ERBIN: variants seen among roughly 807,000 people sequenced by gnomAD.
The protein encoded by ERBIN is densin-180-like protein.
Under a neutral mutation model 158.4 loss-of-function variants are expected in ERBIN, and 60 were observed. That is an observed-to-expected ratio of 0.38 (90% CI 0.31 to 0.47). The LOEUF (loss-of-function observed/expected upper bound fraction) is 0.47, where lower values mean the gene tolerates loss of function less well. Ranked by LOEUF, ERBIN falls within the 20% of genes least tolerant of loss-of-function variation. ERBIN has a pLI of 0.99. For missense variants in ERBIN, 1,610 were observed against 1,648.0 expected, an observed-to-expected ratio of 0.98 and a Z score of 0.40; for synonymous variants, 594 against 557.2, an observed-to-expected ratio of 1.07 and a Z score of -0.93.
chr5:66,036,662 T>G (rs1757428173), intron 14 of ERBIN, among the ~76,000 whole-genome samples: 1 of 152,154 alleles, frequency 6.6e-6, no homozygotes, highest in African/African-American at 2.4e-5. Flanking sequence ...TACAGTAAAG[T>G]CAGTAAAGAT....
In ERBIN at chr5:66,053,693, G is replaced by C. The variant is rs1247407724; in HGVS notation, c.2375G>C (p.Gly792Ala). The C allele has an allele frequency of 1.3e-5, 21 of 1,613,710 alleles. No homozygotes were observed. Among genetic ancestry groups the C allele is most frequent in the Non-Finnish European group, 1.7e-5 (20 of 1,179,972 alleles). The change falls in exon 21 of 26, where the codon GGA becomes GCA. Residue 792 changes from glycine to alanine, a missense_variant. By Grantham distance (60) the Gly-to-Ala change is moderately conservative (BLOSUM62 0). Around this residue, in one of 2 missense-constraint regions of ERBIN, gnomAD observed 1,014 missense variants for 936.1 expected, o/e 1.08. Coordinates refer to ENST00000284037, the MANE Select transcript of ERBIN (RefSeq NM_001253697.2). ...TCAAAAACACAGGATATTGTGCTTG[G>C]AACAAGCTTTTTAAGCATTAATTCT... The part of the protein sequence containing the change: ...ERSKTQDIVL[G>A]TSFLSINSKE...
rs555935226 is a variant in ERBIN at position 65,950,852 on chromosome 5, A to G, written c.-58+24046A>G. 9.9e-4 allele frequency among the ~76,000 whole-genome samples: 150 copies of G among 152,214 alleles called. 4 individuals carry two copies. In the South Asian group the frequency reaches 0.03, roughly 30 times the overall value. On this transcript the variant is annotated intron_variant, in intron 1 of 25. Coordinates refer to ENST00000284037, the MANE Select transcript of ERBIN (RefSeq NM_001253697.2). ...GGGGTATGTCATTGGCATATGAAAG[A>G]GAATATGGCATAGTAAGAGGGCTTG...
chr5:65,958,368 C>A (rs989723680), intron 1 of ERBIN, among the ~76,000 whole-genome samples: 2 of 151,896 alleles, frequency 1.3e-5, no homozygotes, highest in Non-Finnish European at 1.5e-5. Flanking sequence ...TCTGCAATCC[C>A]GGCACCTCGG....
At chr5:66,063,401 A>G (rs1760652409) in intron 21 of ERBIN, among the ~76,000 whole-genome samples, 1 of 152,196 alleles carries the variant, frequency 6.6e-6, no homozygotes. Flanking sequence ...GCGCAGTATT[A>G]GGGCAGGAGT....
intron 1 of ERBIN, among the ~76,000 whole-genome samples, chr5:65,986,138 T>G (rs1751205307): frequency 6.6e-6 from 1 of 152,208 alleles, no homozygotes; most frequent in African/African-American, 2.4e-5. Context: ...TTAAATACCA[T>G]CTATAAGCAG....
chr5:65,927,120 C>A (rs1742751502), intron 1 of ERBIN, among the ~76,000 whole-genome samples: 1 of 151,830 alleles, frequency 6.6e-6, no homozygotes, highest in African/African-American at 2.4e-5. Flanking sequence ...GAAGTTTTGG[C>A]TTTCTGGAAC....
Position 65,992,725 on chromosome 5 carries a change from A to G in ERBIN, c.7A>G (p.Thr3Ala), listed in dbSNP as rs1424856278. 1.3e-6 allele frequency: 2 copies of G among 1,589,392 alleles called. No individual in the cohort carries two copies. The highest frequency in any genetic ancestry group is 1.7e-6 in the Non-Finnish European group (2 of 1,172,422). The change falls in exon 3 of 26, where the codon ACA becomes GCA. Residue 3 changes from threonine to alanine, a missense_variant. Coordinates refer to ENST00000284037, the MANE Select transcript of ERBIN (RefSeq NM_001253697.2). MT[T>A]KRSLFVRLVP... ...AATATTGCAGTGTCTAAAAATGACT[A>G]CAAAACGAAGTTTGTTTGTGCGGTT...
chr5:66,055,564 T>G (rs1303842563), intron 21 of ERBIN, among the ~76,000 whole-genome samples: 1 of 152,178 alleles, frequency 6.6e-6, no homozygotes, highest in Non-Finnish European at 1.5e-5. Context: ...TATAATTTTA[T>G]GTGTAGATGT....
intron 1 of ERBIN, among the ~76,000 whole-genome samples, chr5:65,930,448 G>C (rs1355356372): frequency 6.6e-6 from 1 of 151,822 alleles, no homozygotes; most frequent in Non-Finnish European, 1.5e-5. Flanking sequence ...GCTGGGACTA[G>C]AGGCGCCCGC....
intron 7 of ERBIN, among the ~76,000 whole-genome samples, chr5:66,018,459 T>TTATATTA (rs1755069297): frequency 8.8e-5 from 1 of 11,356 alleles, no homozygotes; most frequent in Non-Finnish European, 1.7e-4. Context: ...ATATATTATA[T>TTATATTA]TATATAATAT....
Position 65,943,521 on chromosome 5 carries a change from C to G in ERBIN, c.-58+16715C>G, listed in dbSNP as rs145921143. The stretch of plus-strand genomic sequence containing the variant: ...GAAATGATTTAAATGAAAGTAGAAG[C>G]TCTCCCATCATTACTTTTTTTAAGT... On this transcript the variant is annotated intron_variant, in intron 1 of 25. Coordinates refer to ENST00000284037, the MANE Select transcript of ERBIN (RefSeq NM_001253697.2). Among the ~76,000 whole-genome samples, 597 of 152,150 alleles carry G rather than the reference C, an allele frequency of 3.9e-3. 7 individuals carry two copies. Among genetic ancestry groups the G allele is most frequent in the African/African-American group, 0.014 (574 of 41,502 alleles).
chr5:66,030,562 CTTTTTTT>C (rs766454675), intron 14 of ERBIN, among the ~76,000 whole-genome samples: 1 of 128,350 alleles, frequency 7.8e-6, no homozygotes, highest in Non-Finnish European at 1.7e-5. Context: ...ACAGTAGCAC[CTTTTTTT>C]TTTTTTTTTT....
intron 1 of ERBIN, among the ~76,000 whole-genome samples, chr5:65,937,764 C>T (rs567043170): frequency 9.2e-5 from 14 of 152,078 alleles, no homozygotes; most frequent in African/African-American, 3.1e-4. Flanking sequence ...AAAAAATTAG[C>T]GGGGTGTGGT....
chr5:65,959,802 A>G (rs879039065), intron 1 of ERBIN, among the ~76,000 whole-genome samples: 4 of 152,234 alleles, frequency 2.6e-5, no homozygotes, highest in African/African-American at 7.2e-5. Flanking sequence ...ATTTAAAAGA[A>G]GAAAAAGCAA....
At chr5:66,016,875 AG>A (rs1754798400) in intron 7 of ERBIN, among the ~76,000 whole-genome samples, 1 of 152,050 alleles carries the variant, frequency 6.6e-6, no homozygotes, top group Non-Finnish European at 1.5e-5. Flanking sequence ...TCGGCTTCCC[AG>A]AGTGCTGGGA....
intron 8 of ERBIN, among the ~76,000 whole-genome samples, chr5:66,022,017 A>C (rs140060708): frequency 1.3e-5 from 2 of 151,802 alleles, no homozygotes; most frequent in African/African-American, 4.8e-5. Flanking sequence ...TATCATTATT[A>C]AACTTTTAAA....
At position 66,076,134 on chromosome 5, in the gene ERBIN, C is replaced by G; in HGVS notation, c.3964-182C>G. The G allele has an allele frequency of 7.0e-6, 4 of 574,460 alleles. No homozygotes were observed. In the South Asian group the frequency reaches 8.8e-5, roughly 13 times the overall value. 35.6% of individuals were successfully genotyped at this position (574,460 alleles called of 1,614,324 possible). The stretch of plus-strand genomic sequence containing the variant: ...TATAATCCCAGCTCTGCCTTTAACT[C>G]ACTAACTCATTAACATAATATTCTA... On this transcript the variant is annotated intron_variant, in intron 23 of 25. Coordinates refer to ENST00000284037, the MANE Select transcript of ERBIN (RefSeq NM_001253697.2).
intron 22 of ERBIN, among the ~76,000 whole-genome samples, chr5:66,074,057 T>TG (rs1761763011): frequency 6.9e-6 from 1 of 145,892 alleles, no homozygotes; most frequent in Admixed American, 6.9e-5. Flanking sequence ...TTTTTTTTTT[T>TG]TTTTTTTTTT....
chr5:66,062,268 T>C (rs1478445161), intron 21 of ERBIN, among the ~76,000 whole-genome samples: 1 of 152,190 alleles, frequency 6.6e-6, no homozygotes, highest in Non-Finnish European at 1.5e-5. Context: ...TCTAAACTTC[T>C]CTTCACGCTT....
Sources: gnomAD v4.1 joint callset for allele counts (sites outside exome capture counted in the v4.1 genomes callset) on GRCh38, gnomAD v4.1.1 for gene constraint, gnomAD v4.1.1 regional missense constraint, MANE v1.5 for transcripts, NCBI Gene and HGNC (gene_info 2026-07-23, HGNC 2026-07-21) for gene names.